SLC26A9: variants seen among roughly 807,000 people sequenced by gnomAD.
SLC26A9 encodes solute carrier family 26 member 9, also known as anion transporter/exchanger protein 9.
In SLC26A9, 46 loss-of-function variants were observed where a neutral mutation model predicts 87.1. The observed-to-expected ratio is 0.53, with a 90% CI of 0.42 to 0.67. SLC26A9 has a LOEUF of 0.67. Ranked by LOEUF, SLC26A9 falls within the 30% of genes least tolerant of loss-of-function variation. The pLI, the probability that SLC26A9 is intolerant of heterozygous loss-of-function variation, is 0.00. For missense variants in SLC26A9, 927 were observed against 1,018.3 expected, an observed-to-expected ratio of 0.91 and a Z score of 1.22; for synonymous variants, 437 against 409.1, an observed-to-expected ratio of 1.07 and a Z score of -0.82.
chr1:205,922,093 G>A (rs1459250508), intron 16 of SLC26A9, among the ~76,000 whole-genome samples: 3 of 152,206 alleles, frequency 2.0e-5, no homozygotes, highest in Non-Finnish European at 4.4e-5. Flanking sequence ...AGGCACTGAA[G>A]CCTCAAGCCC....
chr1:205,932,650 C>A, intron 4 of SLC26A9, 52 bp downstream of exon 4: 1 of 1,449,312 alleles, frequency 6.9e-7, no homozygotes, highest in Non-Finnish European at 9.3e-7. Flanking sequence ...TGCCACACCT[C>A]CCATCCTTGG....
rs1173906281 is a variant in SLC26A9 at position 205,929,911 on chromosome 1, C to A, written c.698G>T (p.Gly233Val). 2 of 1,603,658 alleles carry A rather than the reference C, an allele frequency of 1.2e-6. No individual in the cohort carries two copies. The highest frequency in any genetic ancestry group is 2.2e-5 in the South Asian group (2 of 90,730). ...IFGLTIPSYT[G>V]PGSIVFTFID... is the part of the protein sequence containing the mutation. ...ACTCACAAAGACGATGGACCCTGGG[C>A]CTGTGTAGGAGGGGATGGTCAGTCC... is the stretch of plus-strand genomic sequence containing the variant. The change falls in exon 6 of 21, where the codon GGC becomes GTC. Residue 233 changes from glycine to valine, a missense_variant. Physicochemically the swap from Gly to Val is moderately radical, Grantham distance 109. Transcript: ENST00000367135.
In SLC26A9 at chr1:205,935,351, A is replaced by C. The variant is rs567049665; in HGVS notation, c.125+345T>G. On this transcript the variant is annotated intron_variant, in intron 2 of 20. Transcript: ENST00000367135. ...GTAAGGAGGGAACAGGGCATGGAGT[A>C]AGGGCTCTGATGCTCCCCACCCCTC... Among the ~76,000 whole-genome samples, 15 of 152,266 alleles carry C rather than the reference A, an allele frequency of 9.9e-5. No homozygotes were observed. In the East Asian group the frequency reaches 1.9e-3, roughly 20 times the overall value.
chr1:205,923,580 G>A lies in SLC26A9; in HGVS notation c.1530C>T (p.Asp510=). ...RNGYALAQVM[D]TDIYVNPKTY... is the part of the protein sequence containing the mutation. The stretch of plus-strand genomic sequence containing the variant: ...TCTTGGGATTCACATAAATGTCAGT[G>A]TCCATGACCTGGGCCAGTGCATAGC... The change falls in exon 14 of 21, where the codon GAC becomes GAT. Residue 510 remains aspartate, a synonymous_variant. Transcript: ENST00000367135. 1 of 1,614,224 alleles carries A rather than the reference G, an allele frequency of 6.2e-7. No homozygotes were observed. Among genetic ancestry groups the A allele is most frequent in the African/African-American group, 1.3e-5 (1 of 75,060 alleles).
At position 205,926,568 on chromosome 1, in the gene SLC26A9, G is replaced by A. The variant is rs1218664572; in HGVS notation, c.1356C>T (p.Pro452=). ...LKNSLKQLTD[P]YYLWRKSKLD... The stretch of plus-strand genomic sequence containing the variant: ...GCTTGCTCTTCCTCCACAGGTAGTA[G>A]GGGTCGGTGAGTTGCTTGAGGGAGT... Residue 452 remains proline (P), a synonymous_variant, in exon 12 of 21, where the codon CCC becomes CCT. Coordinates refer to ENST00000367135, the MANE Select transcript of SLC26A9 (RefSeq NM_052934.4). 2 of 1,614,164 alleles carry A rather than the reference G, an allele frequency of 1.2e-6. No individual in the cohort carries two copies. The highest frequency in any genetic ancestry group is 2.2e-5 in the South Asian group (2 of 91,080).
intron 1 of SLC26A9, among the ~76,000 whole-genome samples, chr1:205,940,213 C>T (rs1290538953): frequency 1.3e-5 from 2 of 152,198 alleles, no homozygotes; most frequent in Middle Eastern, 3.4e-3. Flanking sequence ...TCGTGCGAGC[C>T]GGAGTAGCTG....
At chr1:205,929,510 C>T (rs16856494) in intron 6 of SLC26A9, among the ~76,000 whole-genome samples, 154 bp from the exon 7 acceptor site, 22,705 of 152,020 alleles carry the variant, frequency 0.15, 2,657 homozygotes, top group East Asian at 0.67. Flanking sequence ...TGTCCCGTCG[C>T]CCACCGCCCT....
At chr1:205,929,501 G>C (rs770665986) in intron 6 of SLC26A9, 145 bp from the exon 7 acceptor site, 3 of 1,297,248 alleles carry the variant, frequency 2.3e-6, no homozygotes, top group Non-Finnish European at 3.1e-6. Flanking sequence ...CAGGAACCCT[G>C]TCCCGTCGCC....
chr1:205,931,798 C>T (rs1659317277), intron 5 of SLC26A9, 62 bp downstream of exon 5: 18 of 1,555,222 alleles, frequency 1.2e-5, no homozygotes, highest in Middle Eastern at 2.3e-4. Context: ...AAAGCTAAGG[C>T]TTTGAGGGAG....
rs146088150 is a variant in SLC26A9 at position 205,929,982 on chromosome 1, C to T, written c.627G>A (p.Thr209=). The change falls in exon 6 of 21, where the codon ACG becomes ACA. Residue 209 remains threonine, a synonymous_variant. Transcript: ENST00000367135. ...LSESFIRGFM[T]AAGLQILISV... is the part of the protein sequence containing the mutation. ...AAATCAGGATCTGCAGGCCGGCGGC[C>T]GTCATGAAGCCCCGGATGAAGGACT... 13 of 1,613,758 alleles carry T rather than the reference C, an allele frequency of 8.1e-6. No homozygotes were observed. Among genetic ancestry groups the T allele is most frequent in the African/African-American group, 5.3e-5 (4 of 74,908 alleles).
intron 1 of SLC26A9, 115 bp from the exon 2 acceptor site, chr1:205,935,953 C>T (rs913965158): frequency 1.2e-5 from 15 of 1,270,150 alleles, no homozygotes; most frequent in African/African-American, 4.5e-5. Context: ...TTCCCCGCCC[C>T]GATAAAGCAA....
chr1:205,936,123 C>T (rs11591035), intron 1 of SLC26A9, among the ~76,000 whole-genome samples: 4 of 152,216 alleles, frequency 2.6e-5, no homozygotes, highest in Admixed American at 1.3e-4. Flanking sequence ...ATCACCCCCA[C>T]TGAGCACCAG....
chr1:205,923,026 C>T, intron 16 of SLC26A9, 56 bp downstream of exon 16: 2 of 1,517,950 alleles, frequency 1.3e-6, no homozygotes, highest in Non-Finnish European at 1.8e-6. Context: ...TAACAGGGGG[C>T]AGTATCAGAA....
Position 205,933,045 on chromosome 1 carries a change from C to T in SLC26A9, c.165G>A (p.Leu55=), listed in dbSNP as rs557351579. The T allele has an allele frequency of 1.1e-5, 18 of 1,614,066 alleles. No individual in the cohort carries two copies. The highest frequency in any genetic ancestry group is 1.4e-5 in the Non-Finnish European group (17 of 1,180,028). The part of the protein sequence containing the change: ...SAKIKAVVFG[L]LPVLSWLPKY... ...TGGGGAGCCAGGAGAGCACAGGCAG[C>T]AGCCCAAACACCACAGCTTTGATCT... The change falls in exon 3 of 21, where the codon CTG becomes CTA. Residue 55 remains leucine, a synonymous_variant. Coordinates refer to ENST00000367135, the MANE Select transcript of SLC26A9 (RefSeq NM_052934.4).
chr1:205,941,406 A>G (rs1277310430), intron 1 of SLC26A9, among the ~76,000 whole-genome samples: 1 of 152,062 alleles, frequency 6.6e-6, no homozygotes, highest in Admixed American at 6.5e-5. Flanking sequence ...TCCTGACCTC[A>G]AGTGATCTGC....
chr1:205,937,645 C>T (rs1247235377), intron 1 of SLC26A9, among the ~76,000 whole-genome samples: 2 of 152,096 alleles, frequency 1.3e-5, no homozygotes, highest in Non-Finnish European at 2.9e-5. Flanking sequence ...GTGCTTTCTA[C>T]CTCCTAGCAG....
chr1:205,915,545 T>TGTGTGTGTGTGCGA, intron 20 of SLC26A9, 141 bp from the exon 21 acceptor site: 2 of 833,422 alleles, frequency 2.4e-6, no homozygotes, highest in African/African-American at 3.2e-5. Flanking sequence ...TGTGTGTGTG[T>TGTGTGTGTGTGCGA]GTGCGAGAGT....
chr1:205,920,784 C>T (rs529672905), intron 17 of SLC26A9, among the ~76,000 whole-genome samples: 2 of 152,236 alleles, frequency 1.3e-5, no homozygotes, highest in South Asian at 2.1e-4. Flanking sequence ...AGGAGTGAGC[C>T]ACCACGCCCG....
At chr1:205,926,691 G>T in intron 11 of SLC26A9, 61 bp from the exon 12 acceptor site, 5 of 1,402,556 alleles carry the variant, frequency 3.6e-6, no homozygotes, top group Non-Finnish European at 4.0e-6. Context: ...GCCCTCCTGC[G>T]CATACCCGAC....
Sources: gnomAD v4.1 joint callset for allele counts (sites outside exome capture counted in the v4.1 genomes callset) on GRCh38, gnomAD v4.1.1 for gene constraint, MANE v1.5 for transcripts, NCBI Gene and HGNC (gene_info 2026-07-23, HGNC 2026-07-21) for gene names.